Variants in SPATA16 observed in about 807,000 individuals in gnomAD.
The protein encoded by SPATA16 is spermatogenesis associated 16, also known as spermatogenesis-associated protein 16.
Under a neutral mutation model 63.3 loss-of-function variants are expected in SPATA16, and 36 were observed. The ratio of observed to expected loss-of-function variants is 0.57; its 90% CI spans 0.44 to 0.75. SPATA16 has a LOEUF of 0.75. Among genes scored for constraint, SPATA16 ranks in the 30% least tolerant of loss-of-function variants. The pLI is 0.00. For missense variants in SPATA16, 646 were observed against 679.3 expected (o/e 0.95, Z 0.54); for synonymous variants, 203 against 216.7 (o/e 0.94, Z 0.56).
intron 2 of SPATA16, among the ~76,000 whole-genome samples, chr3:173,074,383 T>A (rs1271773582): frequency 6.6e-6 from 1 of 152,138 alleles, no homozygotes; most frequent in Non-Finnish European, 1.5e-5. Context: ...AATTCCCACA[T>A]GTGGGAGGGA....
Position 172,927,379 on chromosome 3 carries a change from G to A in SPATA16, c.1082-1887C>T, listed in dbSNP as rs201292472. 1.3e-4 allele frequency among the ~76,000 whole-genome samples: 20 copies of A among 152,288 alleles called. No individual in the cohort carries two copies. The East Asian group carries it at 3.1e-3, about 23-fold the overall frequency. Reference sequence around the variant, plus strand: ...AGAGTTAAAATATATGCTGATTATTGAAATAATTAAAATATCACAAAATGC... The same window carrying A: ...AGAGTTAAAATATATGCTGATTATTAAAATAATTAAAATATCACAAAATGC... On this transcript the variant is annotated intron_variant, in intron 6 of 10. Transcript: ENST00000351008.
Position 173,049,010 on chromosome 3 carries a change from T to C in SPATA16, c.697A>G (p.Lys233Glu). 6.2e-7 allele frequency: 1 copy of C among 1,613,850 alleles called. No homozygotes were observed. Reference protein sequence around the residue: ...IASVASFIETKLVTCYLRMRK... With the variant: ...IASVASFIETELVTCYLRMRK... ...ATCCGTAGATAACAGGTAACAAGCTTTGTCTCAATGAAACTTGCCACGCTT... is the reference window on the plus strand; with the variant it reads ...ATCCGTAGATAACAGGTAACAAGCTCTGTCTCAATGAAACTTGCCACGCTT... The change falls in exon 3 of 11, where the codon AAG (lysine) becomes GAG (glutamate). Residue 233 changes from lysine (K) to glutamate (E), a missense_variant. By Grantham distance (56) the Lys-to-Glu change is moderately conservative. Coordinates refer to ENST00000351008, the MANE Select transcript of SPATA16 (RefSeq NM_031955.6).
chr3:172,947,747 G>A (rs1733327029), intron 6 of SPATA16, among the ~76,000 whole-genome samples: 1 of 152,066 alleles, frequency 6.6e-6, no homozygotes, highest in Non-Finnish European at 1.5e-5. Context: ...ATGGACACAG[G>A]GAGGGGAACA....
rs183260355 is a variant in SPATA16, at chr3:172,890,881, C to T, written c.1588-1189G>A. 1.6e-4 allele frequency among the ~76,000 whole-genome samples: 24 copies of T among 147,360 alleles called. No individual in the cohort carries two copies. The East Asian group carries it at 4.1e-3, about 25-fold the overall frequency. On this transcript the variant is annotated intron_variant, in intron 10 of 10. Coordinates refer to ENST00000351008, the MANE Select transcript of SPATA16 (RefSeq NM_031955.6). Reference sequence around the variant, plus strand: ...TTTATGATGTCTGATCATTGCAGGACACATAAAAATAATTTGACAGAATCT... The same window carrying T: ...TTTATGATGTCTGATCATTGCAGGATACATAAAAATAATTTGACAGAATCT...
At chr3:173,072,056 T>C (rs1736688192) in intron 2 of SPATA16, among the ~76,000 whole-genome samples, 1 of 152,158 alleles carries the variant, frequency 6.6e-6, no homozygotes, top group Non-Finnish European at 1.5e-5. Flanking sequence ...AGCAATCCCA[T>C]TACTGGATAT....
At position 173,098,121 on chromosome 3, in the gene SPATA16, C is replaced by A. The variant is rs148097829; in HGVS notation, c.612+18999G>T. ...CCATCTTGTTTATGGAATAATTCCA[C>A]CAATCCTTCATCCCAGAAGTGAAAA... On this transcript the variant is annotated intron_variant, in intron 2 of 10. Coordinates refer to ENST00000351008, the MANE Select transcript of SPATA16 (RefSeq NM_031955.6). 4.4e-3 allele frequency among the ~76,000 whole-genome samples: 660 copies of A among 151,714 alleles called. 6 individuals carry two copies. The highest frequency in any genetic ancestry group is 0.015 in the African/African-American group (628 of 41,326).
At chr3:173,110,504 T>C (rs1263300234) in intron 2 of SPATA16, among the ~76,000 whole-genome samples, 1 of 152,194 alleles carries the variant, frequency 6.6e-6, no homozygotes, top group African/African-American at 2.4e-5. Context: ...GGCAAAATCC[T>C]TTGGAATGTT....
chr3:172,921,717 C>T (rs1256081394), intron 8 of SPATA16, among the ~76,000 whole-genome samples: 1 of 152,124 alleles, frequency 6.6e-6, no homozygotes, highest in Non-Finnish European at 1.5e-5. Flanking sequence ...ATAATTAAAA[C>T]TAAAATTCTT....
At chr3:173,131,978 A>G (rs1738398410) in intron 1 of SPATA16, among the ~76,000 whole-genome samples, 1 of 152,184 alleles carries the variant, frequency 6.6e-6, no homozygotes, top group Non-Finnish European at 1.5e-5. Flanking sequence ...AAAAAAACAA[A>G]TGAAAAAGTA....
At chr3:172,950,358 T>C (rs1560076531) in intron 6 of SPATA16, among the ~76,000 whole-genome samples, 1 of 152,184 alleles carries the variant, frequency 6.6e-6, no homozygotes, top group Non-Finnish European at 1.5e-5. Flanking sequence ...AAAGAGAATT[T>C]AGCCCCATAG....
At chr3:173,132,106 G>A (rs748902873) in intron 1 of SPATA16, among the ~76,000 whole-genome samples, 56 of 152,182 alleles carry the variant, frequency 3.7e-4, no homozygotes, top group Admixed American at 5.2e-4. Flanking sequence ...AACTTTACCA[G>A]AGTTCTTTAT....
At chr3:172,912,766 AGTC>A (rs1268915560) in intron 10 of SPATA16, among the ~76,000 whole-genome samples, 106 of 152,362 alleles carry the variant, frequency 7.0e-4, no homozygotes, top group Non-Finnish European at 1.1e-3. Context: ...TAAGGCTTTC[AGTC>A]AATAGTAGGC....
intron 2 of SPATA16, among the ~76,000 whole-genome samples, chr3:173,089,800 C>T (rs1042078470): frequency 1.2e-4 from 19 of 152,240 alleles, no homozygotes; most frequent in African/African-American, 4.3e-4. Context: ...TGGTAAACTG[C>T]GGAAGCACTA....
chr3:173,133,261 T>A (rs1434184574), intron 1 of SPATA16, among the ~76,000 whole-genome samples: 1 of 152,150 alleles, frequency 6.6e-6, no homozygotes, highest in Non-Finnish European at 1.5e-5. Flanking sequence ...GCTCTGCCAA[T>A]AGAGGGTACT....
chr3:172,966,266 A>G (rs1252116563), intron 5 of SPATA16, among the ~76,000 whole-genome samples: 1 of 152,234 alleles, frequency 6.6e-6, no homozygotes, highest in African/African-American at 2.4e-5. Flanking sequence ...CTCTGGTTAC[A>G]TCTCTGATTT....
At chr3:172,955,703 T>C (rs760530354) in intron 6 of SPATA16, among the ~76,000 whole-genome samples, 6 of 152,102 alleles carry the variant, frequency 3.9e-5, no homozygotes, top group Non-Finnish European at 1.5e-5. Context: ...TTTTGTCACA[T>C]GGAAATAGTG....
chr3:172,953,848 C>G (rs73175076), intron 6 of SPATA16, among the ~76,000 whole-genome samples: 8,696 of 152,180 alleles, frequency 0.057, 361 homozygotes, highest in Non-Finnish European at 0.079. Flanking sequence ...TAGATAGGTT[C>G]TAAAGATAGA....
chr3:173,117,082 T>A, intron 2 of SPATA16, 38 bp downstream of exon 2: 3 of 1,599,316 alleles, frequency 1.9e-6, no homozygotes, highest in Non-Finnish European at 1.7e-6. Flanking sequence ...CATTTCATAG[T>A]TTCCTGTCAC....
chr3:172,898,283 T>C (rs1217786026), intron 10 of SPATA16, among the ~76,000 whole-genome samples: 1 of 152,022 alleles, frequency 6.6e-6, no homozygotes, highest in Non-Finnish European at 1.5e-5. Flanking sequence ...GGTTTGCTAC[T>C]CTTGTTTTCT....
Sources: gnomAD v4.1 joint callset for allele counts (sites outside exome capture counted in the v4.1 genomes callset) on GRCh38, gnomAD v4.1.1 for gene constraint, MANE v1.5 for transcripts, NCBI Gene and HGNC (gene_info 2026-07-23, HGNC 2026-07-21) for gene names.